Variants in ZNF407 observed in about 807,000 individuals in gnomAD.
ZNF407 encodes zinc finger protein 407.
A neutral mutation model predicts 131.2 loss-of-function variants in ZNF407; 17 were observed. The observed-to-expected ratio is 0.13, with a 90% CI of 0.09 to 0.19. The LOEUF (loss-of-function observed/expected upper bound fraction) is 0.19, where lower values mean the gene tolerates loss of function less well. Among genes scored for constraint, ZNF407 ranks in the 10% least tolerant of loss-of-function variants. The probability of loss-of-function intolerance (pLI) is 1.00; values close to 1 mark genes in which losing one functional copy is unlikely to be tolerated. For synonymous variants in ZNF407, 1,156 were observed against 1,062.0 expected (o/e 1.09, Z -1.72); for missense variants, 2,681 against 2,830.6 (o/e 0.95, Z 1.20).
intron 1 of ZNF407, among the ~76,000 whole-genome samples, chr18:74,604,561 G>C (rs1316860005): frequency 6.6e-6 from 1 of 152,204 alleles, no homozygotes; most frequent in African/African-American, 2.4e-5. Context: ...TCAGTGCAGG[G>C]ACATGAGAGC....
At chr18:75,032,340 G>C (rs1973250976) in intron 8 of ZNF407, among the ~76,000 whole-genome samples, 2 of 152,180 alleles carry the variant, frequency 1.3e-5, no homozygotes, top group Admixed American at 6.5e-5. Context: ...TCACCTGCTG[G>C]CTGCCCTCAG....
chr18:74,671,096 T>C (rs1986123867), intron 3 of ZNF407, among the ~76,000 whole-genome samples: 1 of 152,192 alleles, frequency 6.6e-6, no homozygotes, highest in Non-Finnish European at 1.5e-5. Context: ...AAGCCCTGAG[T>C]GCCCGTCCCC....
At chr18:74,603,204 T>C (rs1982657693) in intron 1 of ZNF407, among the ~76,000 whole-genome samples, 1 of 152,234 alleles carries the variant, frequency 6.6e-6, no homozygotes, top group African/African-American at 2.4e-5. Context: ...CTCACTGTGC[T>C]GCACAGATGC....
intron 8 of ZNF407, among the ~76,000 whole-genome samples, chr18:75,057,891 A>AG (rs1300986148): frequency 6.6e-6 from 1 of 152,042 alleles, no homozygotes; most frequent in Non-Finnish European, 1.5e-5. Context: ...CCTTCAAGAG[A>AG]GGGGGCCCTT....
intron 3 of ZNF407, among the ~76,000 whole-genome samples, chr18:74,731,621 G>A (rs2144896280): frequency 6.6e-6 from 1 of 152,284 alleles, no homozygotes; most frequent in Admixed American, 6.5e-5. Context: ...GATGAGTGTA[G>A]TAAGCACTGC....
rs561309248 is a variant in ZNF407, at chr18:74,883,107, A to G, written c.5128+1988A>G. Among the ~76,000 whole-genome samples the G allele has an allele frequency of 9.8e-5, 15 of 152,364 alleles. 1 individual carries two copies. Among genetic ancestry groups the G allele is most frequent in the African/African-American group, 3.4e-4 (14 of 41,590 alleles). ...CAACTTTATATTTTATGTCAGGTCCAGAGGCTCCTTATTACTTTGCTATTA... is the reference window on the plus strand; with the variant it reads ...CAACTTTATATTTTATGTCAGGTCCGGAGGCTCCTTATTACTTTGCTATTA... On this transcript the variant is annotated intron_variant, in intron 6 of 8. Coordinates refer to ENST00000299687, the MANE Select transcript of ZNF407 (RefSeq NM_017757.3).
chr18:74,598,540 C>T (rs905535397), intron 1 of ZNF407: 1 of 152,348 alleles, frequency 6.6e-6, no homozygotes, highest in African/African-American at 2.4e-5. Context: ...GTGTCACCCC[C>T]AGGTGCCCTG....
chr18:74,732,099 T>TA (rs1390046793), intron 3 of ZNF407, among the ~76,000 whole-genome samples: 1 of 152,192 alleles, frequency 6.6e-6, no homozygotes, highest in African/African-American at 2.4e-5. Flanking sequence ...ACTTGGGACT[T>TA]ATATTTTTTG....
At chr18:74,617,230 A>G (rs1183638072) in intron 1 of ZNF407, among the ~76,000 whole-genome samples, 1 of 150,520 alleles carries the variant, frequency 6.6e-6, no homozygotes, top group African/African-American at 2.4e-5. Context: ...AGAGTCATTT[A>G]AATGCATTGT....
In ZNF407 at chr18:74,748,236, T is replaced by C. The variant is rs1037594113; in HGVS notation, c.4803-33192T>C. 1.3e-5 allele frequency among the ~76,000 whole-genome samples: 2 copies of C among 152,006 alleles called. 1 individual carries two copies. The highest frequency in any genetic ancestry group is 4.8e-5 in the African/African-American group (2 of 41,414). On this transcript the variant is annotated intron_variant, in intron 3 of 8. Transcript: ENST00000299687. The stretch of plus-strand genomic sequence containing the variant: ...TCAATAATTTTCACACAGCAAGTTT[T>C]CAGAGATGATAAAGTTTTTCAGTGT...
intron 7 of ZNF407, among the ~76,000 whole-genome samples, chr18:74,892,780 A>G (rs530816862): frequency 1.3e-5 from 2 of 152,320 alleles, no homozygotes; most frequent in East Asian, 3.9e-4. Context: ...CATGGCCCCA[A>G]GTTACATTGA....
At chr18:74,856,605 A>G (rs758047937) in intron 4 of ZNF407, among the ~76,000 whole-genome samples, 2 of 152,166 alleles carry the variant, frequency 1.3e-5, no homozygotes, top group Non-Finnish European at 2.9e-5. Context: ...CAGCAAATCT[A>G]AAGTATGGTT....
Position 75,063,092 on chromosome 18 carries a change from T to A in ZNF407, c.5429-58T>A. ...TGAGCGCTTCTGCAGAAGAAGTGTC[T>A]TACTTGTAAGCCTACGAGTACTTTT... On this transcript the variant is annotated intron_variant, in intron 8 of 8. Coordinates refer to ENST00000299687, the MANE Select transcript of ZNF407 (RefSeq NM_017757.3). The surrounding 1 kb of genome is among the most constrained non-coding windows in gnomAD (Gnocchi z 6.6). The A allele has an allele frequency of 6.9e-7, 1 of 1,459,524 alleles. No individual in the cohort carries two copies. Among genetic ancestry groups the A allele is most frequent in the Non-Finnish European group, 9.3e-7 (1 of 1,080,284 alleles). 90.4% of individuals were successfully genotyped at this position (1,459,524 alleles called of 1,614,324 possible).
At chr18:75,021,027 C>T (rs1299446121) in intron 8 of ZNF407, among the ~76,000 whole-genome samples, 6 of 152,072 alleles carry the variant, frequency 3.9e-5, no homozygotes, top group African/African-American at 1.4e-4. Flanking sequence ...CATTTTCACA[C>T]CAGCCATAGG....
At chr18:74,916,355 T>C (rs1474493927) in intron 7 of ZNF407, among the ~76,000 whole-genome samples, 38 of 111,676 alleles carry the variant, frequency 3.4e-4, no homozygotes, top group Non-Finnish European at 3.5e-4. Flanking sequence ...TGTGTGTGTG[T>C]GCGTGCATGT....
rs759280777 is a variant in ZNF407, at chr18:74,850,534, G to A, written c.4878-26663G>A. Among the ~76,000 whole-genome samples, 126 of 152,038 alleles carry A rather than the reference G, an allele frequency of 8.3e-4. 1 individual carries two copies. Among genetic ancestry groups the A allele is most frequent in the Non-Finnish European group, 1.6e-3 (109 of 67,986 alleles). ...TGGCAGATGCACTCCCATGCCAGTG[G>A]GTCTAATCTATGAATTCAACGAATA... On this transcript the variant is annotated intron_variant, in intron 4 of 8. Transcript: ENST00000299687.
chr18:74,821,460 C>G lies in ZNF407; in HGVS notation c.4877+39958C>G, dbSNP rs142783987. On this transcript the variant is annotated intron_variant, in intron 4 of 8. Coordinates refer to ENST00000299687, the MANE Select transcript of ZNF407 (RefSeq NM_017757.3). Reference sequence around the variant, plus strand: ...AACAGGCCCCCGTGTGTGATGATCCCCTCCCTGTGTCCATGCGTTCTCATT... The same window carrying G: ...AACAGGCCCCCGTGTGTGATGATCCGCTCCCTGTGTCCATGCGTTCTCATT... Among the ~76,000 whole-genome samples the G allele has an allele frequency of 1.6e-3, 236 of 151,980 alleles. 1 individual carries two copies. Among genetic ancestry groups the G allele is most frequent in the African/African-American group, 5.4e-3 (222 of 41,432 alleles).
In ZNF407 at chr18:75,064,210, C is replaced by G; in HGVS notation, c.6489C>G (p.Phe2163Leu). Residue 2163 changes from phenylalanine to leucine, a missense_variant, in exon 9 of 9, where the codon TTC becomes TTG. Phe to Leu is a conservative substitution (Grantham distance 22, BLOSUM62 0). This residue lies in a region of ZNF407 where 620 missense variants were observed against 583.1 expected (regional missense o/e 1.06). Transcript: ENST00000299687. The stretch of plus-strand genomic sequence containing the variant: ...TGGTGCAGGAGTCCAGTGGCGGCTT[C>G]TCCGAGGGCACCACGCACTACATCC... ...QAMVQESSGGFSEGTTHYILT... is the reference protein window; with the variant it reads ...QAMVQESSGGLSEGTTHYILT... The G allele has an allele frequency of 5.0e-6, 8 of 1,605,632 alleles. No homozygotes were observed. Among genetic ancestry groups the G allele is most frequent in the Non-Finnish European group, 6.8e-6 (8 of 1,177,442 alleles).
intron 4 of ZNF407, among the ~76,000 whole-genome samples, chr18:74,839,079 A>C (rs1970596788): frequency 6.6e-6 from 1 of 151,740 alleles, no homozygotes; most frequent in Non-Finnish European, 1.5e-5. Flanking sequence ...TAAAACGGAC[A>C]ATTTCTTGTT....
Sources: allele counts gnomAD v4.1 joint callset (sites outside exome capture counted in the v4.1 genomes callset), GRCh38; gene constraint gnomAD v4.1.1; regional missense constraint gnomAD v4.1.1; non-coding constraint Gnocchi (gnomAD v3.1); transcripts MANE v1.5; gene names NCBI Gene and HGNC (gene_info 2026-07-23, HGNC 2026-07-21).